The following ZNF107 variants were observed in gnomAD, a reference collection of about 807,000 sequenced individuals.
ZNF107 encodes C2H2 type zinc-finger protein.
A neutral mutation model predicts 12.3 loss-of-function variants in ZNF107; 19 were observed. The observed-to-expected ratio is 1.55, with a 90% CI of 1.08 to 2.27. The LOEUF is 2.27. ZNF107 is among the 30% of genes most tolerant of loss of function. The pLI is 0.00. For missense variants in ZNF107, 958 were observed against 979.9 expected (o/e 0.98, Z 0.30); for synonymous variants, 317 against 330.5 (o/e 0.96, Z 0.44).
chr7:64,708,025 A>G lies in ZNF107; in HGVS notation c.1928A>G (p.His643Arg). 2 of 1,613,408 alleles carry G rather than the reference A, an allele frequency of 1.2e-6. No homozygotes were observed. Among genetic ancestry groups the G allele is most frequent in the South Asian group, 2.2e-5 (2 of 90,970 alleles). ...SSNLTTQKII[H>R]TGENLYKFEE... Reference sequence around the variant, plus strand: ...AACCTTACTACACAAAAGATAATTCATACTGGAGAGAACCTCTACAAATTT... The same window carrying G: ...AACCTTACTACACAAAAGATAATTCGTACTGGAGAGAACCTCTACAAATTT... The change falls in exon 4 of 4, where the codon CAT becomes CGT. Residue 643 changes from histidine (H) to arginine (R), a missense_variant. Coordinates refer to ENST00000620827, the MANE Select transcript of ZNF107 (RefSeq NM_001282359.2).
chr7:64,672,063 G>A (rs1025776421), intron 1 of ZNF107, among the ~76,000 whole-genome samples: 6 of 152,056 alleles, frequency 3.9e-5, no homozygotes, highest in Non-Finnish European at 7.4e-5. Context: ...TGGGATTACA[G>A]GAGTGAGCCA....
intron 3 of ZNF107, among the ~76,000 whole-genome samples, chr7:64,700,668 T>C (rs1790448426): frequency 6.6e-6 from 1 of 152,028 alleles, no homozygotes; most frequent in African/African-American, 2.4e-5. Flanking sequence ...GCCTCTGAAG[T>C]AGCTGGGATT....
At chr7:64,674,104 A>C (rs993335210) in intron 1 of ZNF107, among the ~76,000 whole-genome samples, 1 of 149,716 alleles carries the variant, frequency 6.7e-6, no homozygotes, top group South Asian at 2.1e-4. Context: ...TTGTTGTTCC[A>C]TATGAATTTT....
Position 64,708,067 on chromosome 7 carries a change from C to T in ZNF107, c.1970C>T (p.Ala657Val). 1 of 1,613,444 alleles carries T rather than the reference C, an allele frequency of 6.2e-7. No individual in the cohort carries two copies. Among genetic ancestry groups the T allele is most frequent in the Non-Finnish European group, 8.5e-7 (1 of 1,179,676 alleles). Residue 657 changes from alanine to valine, a missense_variant, in exon 4 of 4, where the codon GCT becomes GTT. Transcript: ENST00000620827. Reference sequence around the variant, plus strand: ...TACAAATTTGAAGAACATGGAAAAGCTTTTAACCTATTCTCAAACATTACT... The same window carrying T: ...TACAAATTTGAAGAACATGGAAAAGTTTTTAACCTATTCTCAAACATTACT... ...NLYKFEEHGK[A>V]FNLFSNITNH...
At chr7:64,667,613 T>A (rs1376995357) in intron 1 of ZNF107, among the ~76,000 whole-genome samples, 1 of 152,136 alleles carries the variant, frequency 6.6e-6, no homozygotes, top group Admixed American at 6.6e-5. Flanking sequence ...ACTGTGGCTG[T>A]GTATGCTAGA....
intron 3 of ZNF107, among the ~76,000 whole-genome samples, chr7:64,694,675 A>G (rs757207758): frequency 2.6e-5 from 4 of 152,002 alleles, no homozygotes; most frequent in Non-Finnish European, 5.9e-5. Flanking sequence ...CTCTCTCATA[A>G]ATACATTTTT....
At chr7:64,675,582 G>A (rs1789387892) in intron 1 of ZNF107, among the ~76,000 whole-genome samples, 1 of 152,004 alleles carries the variant, frequency 6.6e-6, no homozygotes, top group Admixed American at 6.6e-5. Context: ...AGTTTTTCAT[G>A]TCTAAATTTC....
rs1230457115 is a variant in ZNF107, at chr7:64,708,733, C to T, written c.*77C>T. 7.1e-7 allele frequency: 1 copy of T among 1,411,694 alleles called. No homozygotes were observed. The highest frequency in any genetic ancestry group is 9.5e-7 in the Non-Finnish European group (1 of 1,047,592). 87.4% of individuals were successfully genotyped at this position (1,411,694 alleles called of 1,614,324 possible). ...ACAAATGTGAAGAATGTGTTAAAGC[C>T]TTTAACAAGTCTTCAACTTTTTCTG... On this transcript the variant is annotated 3_prime_UTR_variant, in exon 4 of 4. Transcript: ENST00000620827.
chr7:64,683,101 C>T (rs1040180248), intron 1 of ZNF107, among the ~76,000 whole-genome samples: 3 of 152,204 alleles, frequency 2.0e-5, no homozygotes, highest in Admixed American at 6.5e-5. Flanking sequence ...TGCACTTCCA[C>T]CCTCCACCAC....
intron 1 of ZNF107, among the ~76,000 whole-genome samples, chr7:64,683,086 G>C (rs889025334): frequency 1.3e-5 from 2 of 152,160 alleles, no homozygotes; most frequent in Admixed American, 1.3e-4. Context: ...TGTTATCGAG[G>C]CTGCTGCACT....
At chr7:64,705,178 G>A (rs752679514) in intron 3 of ZNF107, among the ~76,000 whole-genome samples, 2 of 151,966 alleles carry the variant, frequency 1.3e-5, no homozygotes, top group African/African-American at 2.4e-5. Context: ...CTTGCAGTTC[G>A]CAAGATTCTG....
At position 64,708,823 on chromosome 7, in the gene ZNF107, A is replaced by G. The variant is rs761030410; in HGVS notation, c.*167A>G. On this transcript the variant is annotated 3_prime_UTR_variant, in exon 4 of 4. Coordinates refer to ENST00000620827, the MANE Select transcript of ZNF107 (RefSeq NM_001282359.2). ...TGTAAAGAATGTGGCACAGCTTTTA[A>G]CTAATCTTCAAACCTTACTGAAAGT... is the stretch of plus-strand genomic sequence containing the variant. 3.2e-5 allele frequency: 23 copies of G among 727,600 alleles called. No homozygotes were observed. Among genetic ancestry groups the G allele is most frequent in the Non-Finnish European group, 6.7e-6 (3 of 449,952 alleles). 45.1% of individuals were successfully genotyped at this position (727,600 alleles called of 1,614,324 possible). A position where few individuals can be genotyped will look rare whatever the true frequency, so the allele number is the denominator to read the frequency against.
chr7:64,676,996 A>G (rs1789436465), intron 1 of ZNF107, among the ~76,000 whole-genome samples: 2 of 152,176 alleles, frequency 1.3e-5, no homozygotes, highest in African/African-American at 4.8e-5. Context: ...CTCTTCTTAC[A>G]TGAAAATTGT....
Position 64,710,442 on chromosome 7 carries a change from T to C in ZNF107, c.*1786T>C, listed in dbSNP as rs1790847191. On this transcript the variant is annotated 3_prime_UTR_variant, in exon 4 of 4. Coordinates refer to ENST00000620827, the MANE Select transcript of ZNF107 (RefSeq NM_001282359.2). The stretch of plus-strand genomic sequence containing the variant: ...AATTTAATCCAAAATTAAGTCTATA[T>C]AAATATCAGAGAATTCACAGTAGAA... The C allele has an allele frequency of 6.6e-6, 1 of 152,150 alleles. No homozygotes were observed. The highest frequency in any genetic ancestry group is 1.5e-5 in the Non-Finnish European group (1 of 68,024). 9.4% of individuals were successfully genotyped at this position (152,150 alleles called of 1,614,324 possible).
rs1218890934 is a variant in ZNF107 at position 64,699,763 on chromosome 7, C to T, written c.227-6561C>T. Among the ~76,000 whole-genome samples, 8 of 152,006 alleles carry T rather than the reference C, an allele frequency of 5.3e-5. No individual in the cohort carries two copies. In the East Asian group the frequency reaches 9.7e-4, roughly 18 times the overall value. On this transcript the variant is annotated intron_variant, in intron 3 of 3. Transcript: ENST00000620827. Reference sequence around the variant, plus strand: ...GATTCCTAACAGAATACGCCAGGTGCAAATAAGAATATTGTACATTCTCGG... The same window carrying T: ...GATTCCTAACAGAATACGCCAGGTGTAAATAAGAATATTGTACATTCTCGG...
intron 3 of ZNF107, among the ~76,000 whole-genome samples, chr7:64,697,032 T>C (rs983277225): frequency 1.1e-4 from 16 of 151,924 alleles, no homozygotes; most frequent in African/African-American, 3.9e-4. Context: ...GTGTTCTCAT[T>C]GTTCAGTTCC....
chr7:64,680,660 C>T lies in ZNF107; in HGVS notation c.4-10588C>T, dbSNP rs188741200. Among the ~76,000 whole-genome samples the T allele has an allele frequency of 2.0e-5, 3 of 152,298 alleles. No individual in the cohort carries two copies. The East Asian group carries it at 5.8e-4, about 29-fold the overall frequency. On this transcript the variant is annotated intron_variant, in intron 1 of 3. Transcript: ENST00000620827. ...ATCTGGCCATAAATCCAGCTTTAGACCCTGAAGGGCCAGGGGCCAGAAGGC... is the reference window on the plus strand; with the variant it reads ...ATCTGGCCATAAATCCAGCTTTAGATCCTGAAGGGCCAGGGGCCAGAAGGC...
Position 64,673,296 on chromosome 7 carries a change from C to A in ZNF107, c.3+7011C>A, listed in dbSNP as rs529196542. Among the ~76,000 whole-genome samples the A allele has an allele frequency of 3.9e-5, 6 of 152,354 alleles. No homozygotes were observed. In the South Asian group the frequency reaches 1.2e-3, roughly 32 times the overall value. ...TGACCTCGTGATCCACCCGCCTTGGCCTCCCAAAGTGCTGGGATTATAGGC... is the reference window on the plus strand; with the variant it reads ...TGACCTCGTGATCCACCCGCCTTGGACTCCCAAAGTGCTGGGATTATAGGC... On this transcript the variant is annotated intron_variant, in intron 1 of 3. Transcript: ENST00000620827.
intron 1 of ZNF107, chr7:64,687,044 G>A (rs1044759597): frequency 2.0e-6 from 2 of 985,282 alleles, no homozygotes; most frequent in African/African-American, 3.5e-5. Context: ...TTTAGGGGAA[G>A]TTTTTCTGGC....
Sources: allele counts gnomAD v4.1 joint callset (sites outside exome capture counted in the v4.1 genomes callset), GRCh38; gene constraint gnomAD v4.1.1; transcripts MANE v1.5; gene names NCBI Gene and HGNC (gene_info 2026-07-23, HGNC 2026-07-21).